Variants in SLC24A2 observed in about 807,000 individuals in gnomAD.
The protein encoded by SLC24A2 is sodium/potassium/calcium exchanger 2.
A neutral mutation model predicts 62.0 loss-of-function variants in SLC24A2; 36 were observed. The observed-to-expected ratio is 0.58, with a 90% CI of 0.44 to 0.77. SLC24A2 has a LOEUF of 0.77. Among genes scored for constraint, SLC24A2 ranks in the 30% least tolerant of loss-of-function variants. The probability of loss-of-function intolerance (pLI) is 0.00; values close to 1 mark genes in which losing one functional copy is unlikely to be tolerated. For missense variants in SLC24A2, 846 were observed against 817.9 expected (o/e 1.03, Z -0.42); for synonymous variants, 358 against 294.0 (o/e 1.22, Z -2.23).
At chr9:20,234,547 G>A in the SLC24A2 span, among the ~76,000 whole-genome samples, 1 of 152,056 alleles carries the variant, frequency 6.6e-6, no homozygotes, top group Non-Finnish European at 1.5e-5. Context: ...CATTCATCAC[G>A]TAGCTCTCGT....
the SLC24A2 span, among the ~76,000 whole-genome samples, chr9:20,159,378 A>G: frequency 1.3e-5 from 2 of 151,222 alleles, no homozygotes; most frequent in Non-Finnish European, 3.0e-5. Context: ...TTGAAAGACT[A>G]CACACCATTG....
intron 8 of SLC24A2, among the ~76,000 whole-genome samples, chr9:19,542,241 TTG>T (rs1445779217): frequency 6.6e-6 from 1 of 152,198 alleles, no homozygotes; most frequent in Non-Finnish European, 1.5e-5. Context: ...TTCTCTCTGT[TTG>T]TCTTTTATTG....
chr9:19,931,197 A>G, the SLC24A2 span, among the ~76,000 whole-genome samples: 1 of 152,238 alleles, frequency 6.6e-6, no homozygotes, highest in Non-Finnish European at 1.5e-5. Flanking sequence ...AAGTAAGACA[A>G]TCAAAAGGTG....
chr9:20,106,346 G>T, the SLC24A2 span, among the ~76,000 whole-genome samples: 7 of 152,124 alleles, frequency 4.6e-5, no homozygotes, highest in South Asian at 2.1e-4. Flanking sequence ...TAACTCATTT[G>T]ATGAGGCCAG....
At chr9:19,915,271 T>C in the SLC24A2 span, among the ~76,000 whole-genome samples, 2 of 152,208 alleles carry the variant, frequency 1.3e-5, no homozygotes, top group Non-Finnish European at 2.9e-5. Flanking sequence ...GCTTCGTTCT[T>C]TTTTATTGCC....
the SLC24A2 span, among the ~76,000 whole-genome samples, chr9:20,197,859 T>G: frequency 6.6e-6 from 1 of 152,136 alleles, no homozygotes; most frequent in Non-Finnish European, 1.5e-5. Flanking sequence ...ATTTCTCAGG[T>G]TAGACCAACA....
At chr9:19,798,852 C>T in the SLC24A2 span, among the ~76,000 whole-genome samples, 6 of 152,144 alleles carry the variant, frequency 3.9e-5, no homozygotes, top group Admixed American at 1.3e-4. Context: ...TGCCCTTTCT[C>T]TTTGAAACTT....
chr9:19,818,415 C>T, the SLC24A2 span, among the ~76,000 whole-genome samples: 3 of 152,114 alleles, frequency 2.0e-5, no homozygotes. Flanking sequence ...CACAAACTCT[C>T]ACTGTTTGCT....
the SLC24A2 span, among the ~76,000 whole-genome samples, chr9:19,902,392 C>G: frequency 6.6e-6 from 1 of 152,126 alleles, no homozygotes; most frequent in Non-Finnish European, 1.5e-5. Context: ...AAGCCTTATG[C>G]CTACACCTTA....
intron 2 of SLC24A2, among the ~76,000 whole-genome samples, chr9:19,637,772 G>A (rs1818396624): frequency 6.6e-6 from 1 of 152,206 alleles, no homozygotes; most frequent in African/African-American, 2.4e-5. Context: ...TTTACTCAGT[G>A]AGCAGGGCTG....
the SLC24A2 span, among the ~76,000 whole-genome samples, chr9:20,255,891 C>T: frequency 5.3e-5 from 8 of 152,272 alleles, 1 homozygote; most frequent in Admixed American, 1.3e-4. Context: ...TGTCTTAGTC[C>T]ACTTGTGCTG....
chr9:19,592,475 GACCTACCTACCTACCTACCCACCTACCT>G lies in SLC24A2; in HGVS notation c.1129+4726_1129+4753del, dbSNP rs1260294598. ...CAAGATATTAGTTGGGATATCTACCGACCTACCTACCTACCTACCCACCTACCTACCTACCTACCTACCTACCTACCTA... is the reference window on the plus strand; with the variant it reads ...CAAGATATTAGTTGGGATATCTACCGACCTACCTACCTACCTACCTACCTA... On this transcript the variant is annotated intron_variant, in intron 5 of 10. Transcript: ENST00000341998. Among the ~76,000 whole-genome samples the G allele has an allele frequency of 7.1e-5, 6 of 84,460 alleles. 1 individual carries two copies. The highest frequency in any genetic ancestry group is 1.1e-4 in the Non-Finnish European group (4 of 35,572). The allele number at this position is 84,460 out of a possible 152,430, so 55.4% of individuals were successfully genotyped here.
chr9:19,547,797 C>A (rs1261805137), intron 8 of SLC24A2, among the ~76,000 whole-genome samples: 2 of 150,848 alleles, frequency 1.3e-5, no homozygotes, highest in Non-Finnish European at 2.9e-5. Flanking sequence ...TAGGGCCACA[C>A]AAAAGCATTG....
At chr9:19,961,261 A>G in the SLC24A2 span, among the ~76,000 whole-genome samples, 1 of 152,118 alleles carries the variant, frequency 6.6e-6, no homozygotes, top group African/African-American at 2.4e-5. Context: ...GAATTACTCT[A>G]TTTTACTCAC....
At chr9:20,204,885 A>T in the SLC24A2 span, among the ~76,000 whole-genome samples, 1 of 151,800 alleles carries the variant, frequency 6.6e-6, no homozygotes, top group Admixed American at 6.6e-5. Flanking sequence ...CCTGGACTAC[A>T]GGCGCGCACC....
chr9:19,923,905 G>C, the SLC24A2 span, among the ~76,000 whole-genome samples: 3 of 152,140 alleles, frequency 2.0e-5, no homozygotes, highest in East Asian at 5.8e-4. Flanking sequence ...GCACCACCAT[G>C]TCTGGCTAAT....
chr9:19,693,385 C>T (rs1462647137), intron 2 of SLC24A2, among the ~76,000 whole-genome samples: 5 of 152,080 alleles, frequency 3.3e-5, no homozygotes, highest in African/African-American at 4.8e-5. Flanking sequence ...GGATTTGGTC[C>T]ATGGTAGGTG....
At chr9:19,872,323 T>G in the SLC24A2 span, among the ~76,000 whole-genome samples, 2 of 152,252 alleles carry the variant, frequency 1.3e-5, no homozygotes, top group Non-Finnish European at 2.9e-5. Flanking sequence ...CTCAGTATTA[T>G]GGTGATTATG....
the SLC24A2 span, among the ~76,000 whole-genome samples, chr9:20,230,100 A>G: frequency 6.6e-6 from 1 of 152,234 alleles, no homozygotes; most frequent in South Asian, 2.1e-4. Context: ...TCCATGGTGT[A>G]TATGTGCCAC....
Sources: allele counts gnomAD v4.1 joint callset (sites outside exome capture counted in the v4.1 genomes callset), GRCh38; gene constraint gnomAD v4.1.1; transcripts MANE v1.5; gene names NCBI Gene and HGNC (gene_info 2026-07-23, HGNC 2026-07-21).